Variants in GNG4 observed in about 807,000 individuals in gnomAD.
GNG4 encodes the protein guanine nucleotide-binding protein G(I)/G(S)/G(O) subunit gamma-4.
GNG4 carries 4 observed loss-of-function variants against 5.8 expected under a neutral mutation model. The ratio of observed to expected loss-of-function variants is 0.69; its 90% CI spans 0.34 to 1.57. The LOEUF is 1.57. Among genes scored for constraint, GNG4 ranks in the 40% most tolerant of loss-of-function variants. The pLI is 0.06. For missense variants in GNG4, 96 were observed against 95.1 expected, an observed-to-expected ratio of 1.01 and a Z score of -0.04; for synonymous variants, 29 against 32.9, an observed-to-expected ratio of 0.88 and a Z score of 0.41.
At chr1:235,633,637 G>A (rs1688976371) in intron 1 of GNG4, among the ~76,000 whole-genome samples, 1 of 152,146 alleles carries the variant, frequency 6.6e-6, no homozygotes, top group African/African-American at 2.4e-5. Flanking sequence ...ACAGGTGCAT[G>A]CCACTGTGCC....
At chr1:235,578,451 A>G (rs956109030) in intron 3 of GNG4, among the ~76,000 whole-genome samples, 5 of 152,246 alleles carry the variant, frequency 3.3e-5, no homozygotes, top group African/African-American at 1.2e-4. Flanking sequence ...CGAAATCAGT[A>G]TGTCAAAGAA....
chr1:235,645,278 C>T (rs1159828779), intron 1 of GNG4, among the ~76,000 whole-genome samples: 2 of 152,200 alleles, frequency 1.3e-5, no homozygotes, highest in Non-Finnish European at 2.9e-5. Flanking sequence ...CCCTGCCCTG[C>T]CCTGCCTCCC....
intron 3 of GNG4, among the ~76,000 whole-genome samples, chr1:235,570,860 A>ATGTGTGTG (rs756211268): frequency 0.16 from 14,828 of 91,578 alleles, 815 homozygotes; most frequent in Non-Finnish European, 0.17. Flanking sequence ...TTATATATAT[A>ATGTGTGTG]TATGTGTGTG....
At chr1:235,631,437 C>T (rs1488410749) in intron 1 of GNG4, among the ~76,000 whole-genome samples, 5 of 152,206 alleles carry the variant, frequency 3.3e-5, no homozygotes, top group Admixed American at 1.3e-4. Flanking sequence ...TGGGAAGCAC[C>T]GTCCTGGAGC....
rs190699212 is a variant in GNG4 at position 235,644,766 on chromosome 1, T to A, written c.-123+4896A>T. On this transcript the variant is annotated intron_variant, in intron 1 of 3. Coordinates refer to ENST00000391854, the MANE Select transcript of GNG4 (RefSeq NM_001098722.2). The surrounding 1 kb of genome is among the most constrained non-coding windows in gnomAD (Gnocchi z 5.9). ...GGCAGCGGAAAGGCCCTGCTGGAAATTTCCATCCAGGGTCTGTGCAGGGCG... is the reference window on the plus strand; with the variant it reads ...GGCAGCGGAAAGGCCCTGCTGGAAAATTCCATCCAGGGTCTGTGCAGGGCG... 6.6e-6 allele frequency among the ~76,000 whole-genome samples: 1 copy of A among 152,236 alleles called. No homozygotes were observed. The highest frequency in any genetic ancestry group is 1.5e-5 in the Non-Finnish European group (1 of 68,004).
chr1:235,639,996 C>T (rs755723545), intron 1 of GNG4, among the ~76,000 whole-genome samples: 13 of 152,218 alleles, frequency 8.5e-5, no homozygotes, highest in South Asian at 4.2e-4. Context: ...TCAGAGCTGC[C>T]GTTGCTGCTG....
chr1:235,582,802 C>A (rs1214383891), intron 3 of GNG4, among the ~76,000 whole-genome samples: 1 of 152,148 alleles, frequency 6.6e-6, no homozygotes, highest in East Asian at 1.9e-4. Context: ...GCTTCATATA[C>A]CCTCATGTAA....
chr1:235,633,638 C>A (rs1316615974), intron 1 of GNG4, among the ~76,000 whole-genome samples: 1 of 152,176 alleles, frequency 6.6e-6, no homozygotes, highest in Non-Finnish European at 1.5e-5. Context: ...CAGGTGCATG[C>A]CACTGTGCCC....
At chr1:235,567,797 C>T (rs979935232) in intron 3 of GNG4, among the ~76,000 whole-genome samples, 2 of 152,194 alleles carry the variant, frequency 1.3e-5, no homozygotes, top group Admixed American at 1.3e-4. Flanking sequence ...CTTCAAGACC[C>T]TACTTCCAAT....
intron 1 of GNG4, among the ~76,000 whole-genome samples, chr1:235,619,172 TATATACACACAC>T (rs1688658489): frequency 1.1e-5 from 1 of 90,898 alleles, no homozygotes; most frequent in Non-Finnish European, 1.8e-5. Flanking sequence ...TATATATATA[TATATACACACAC>T]ATATATATAC....
At chr1:235,612,343 A>G (rs1266045983) in intron 1 of GNG4, among the ~76,000 whole-genome samples, 1 of 152,180 alleles carries the variant, frequency 6.6e-6, no homozygotes, top group Non-Finnish European at 1.5e-5. Context: ...ACAGCAGAGT[A>G]TGTAACATCC....
At chr1:235,579,012 G>T (rs553134740) in intron 3 of GNG4, among the ~76,000 whole-genome samples, 1 of 151,396 alleles carries the variant, frequency 6.6e-6, no homozygotes, top group South Asian at 2.1e-4. Flanking sequence ...CAGAAGAATT[G>T]CTTGAACCCG....
chr1:235,559,258 C>T (rs773103741), intron 3 of GNG4, among the ~76,000 whole-genome samples: 6 of 152,192 alleles, frequency 3.9e-5, no homozygotes, highest in Non-Finnish European at 2.9e-5. Context: ...CATGGTGTAA[C>T]GGTATATTTT....
chr1:235,557,678 G>A (rs1233364053), intron 3 of GNG4, among the ~76,000 whole-genome samples: 1 of 152,050 alleles, frequency 6.6e-6, no homozygotes, highest in Non-Finnish European at 1.5e-5. Context: ...AATTCTCTAG[G>A]AGCAACCTCA....
intron 1 of GNG4, among the ~76,000 whole-genome samples, chr1:235,623,979 C>T (rs1003735111): frequency 3.9e-5 from 6 of 152,158 alleles, no homozygotes; most frequent in Non-Finnish European, 7.3e-5. Context: ...TGCTGTGAGC[C>T]GAAGACGGAG....
chr1:235,597,470 G>A (rs1027523186), intron 1 of GNG4, among the ~76,000 whole-genome samples: 1 of 151,568 alleles, frequency 6.6e-6, no homozygotes, highest in African/African-American at 2.4e-5. Flanking sequence ...ACCTCTGAGA[G>A]GTGGTTAAGT....
intron 1 of GNG4, among the ~76,000 whole-genome samples, chr1:235,626,832 G>A (rs1242970275): frequency 6.6e-6 from 1 of 151,898 alleles, no homozygotes; most frequent in Non-Finnish European, 1.5e-5. Context: ...GGTGGCACAT[G>A]CCTGTAATCC....
In GNG4 at chr1:235,642,053, C is replaced by G. The variant is rs896992376; in HGVS notation, c.-123+7609G>C. On this transcript the variant is annotated intron_variant, in intron 1 of 3. Transcript: ENST00000391854. The surrounding 1 kb of genome is among the most constrained non-coding windows in gnomAD (Gnocchi z 4.3). ...CGCAACTGCCTGCGTTTTCGTAGCC[C>G]TAGAGCTTCCAACGTACAGTGCGGA... 9.2e-5 allele frequency among the ~76,000 whole-genome samples: 14 copies of G among 152,218 alleles called. No homozygotes were observed. Among genetic ancestry groups the G allele is most frequent in the African/African-American group, 3.4e-4 (14 of 41,460 alleles).
intron 2 of GNG4, among the ~76,000 whole-genome samples, chr1:235,585,524 G>A (rs1687739430): frequency 6.6e-6 from 1 of 152,028 alleles, no homozygotes; most frequent in African/African-American, 2.4e-5. Context: ...AAAAGATAAC[G>A]TGTGTGTGCT....
Sources: allele counts gnomAD v4.1 joint callset (sites outside exome capture counted in the v4.1 genomes callset), GRCh38; gene constraint gnomAD v4.1.1; non-coding constraint Gnocchi (gnomAD v3.1); transcripts MANE v1.5; gene names NCBI Gene and HGNC (gene_info 2026-07-23, HGNC 2026-07-21).